The following OSBPL8 variants were observed in gnomAD, a reference collection of about 807,000 sequenced individuals.
The protein encoded by OSBPL8 is oxysterol binding protein like 8.
Under a neutral mutation model 125.5 loss-of-function variants are expected in OSBPL8, and 59 were observed. The ratio of observed to expected loss-of-function variants is 0.47; its 90% CI spans 0.38 to 0.58. The LOEUF is 0.58. Ranked by LOEUF, OSBPL8 falls within the 20% of genes least tolerant of loss-of-function variation. OSBPL8 has a pLI of 0.00. For synonymous variants in OSBPL8, 330 were observed against 338.9 expected (o/e 0.97, Z 0.29); for missense variants, 758 against 1,047.8 (o/e 0.72, Z 3.82).
At chr12:76,480,618 A>G (rs2136980367) in intron 2 of OSBPL8, among the ~76,000 whole-genome samples, 1 of 152,366 alleles carries the variant, frequency 6.6e-6, no homozygotes, top group South Asian at 2.1e-4. Context: ...AAATCTTCAC[A>G]GTTATTTTAA....
intron 15 of OSBPL8, among the ~76,000 whole-genome samples, chr12:76,382,471 C>A (rs1005941377): frequency 1.3e-5 from 2 of 152,138 alleles, no homozygotes; most frequent in African/African-American, 2.4e-5. Context: ...TGTTTAGCAG[C>A]ATTCCTGGCA....
chr12:76,516,429 C>T (rs1444849250), intron 1 of OSBPL8, among the ~76,000 whole-genome samples: 2 of 152,122 alleles, frequency 1.3e-5, no homozygotes, highest in Admixed American at 6.5e-5. Flanking sequence ...TTTGTGCTTC[C>T]TCGTATTATA....
chr12:76,356,419 G>C (rs544259016), intron 23 of OSBPL8, among the ~76,000 whole-genome samples: 1 of 152,198 alleles, frequency 6.6e-6, no homozygotes, highest in South Asian at 2.1e-4. Flanking sequence ...CCCTTACAGA[G>C]AAAAAACAAC....
chr12:76,556,238 C>T (rs1951094294), intron 1 of OSBPL8, among the ~76,000 whole-genome samples: 1 of 152,150 alleles, frequency 6.6e-6, no homozygotes, highest in African/African-American at 2.4e-5. Context: ...TCCTTGCTAT[C>T]ATGGAGAATT....
chr12:76,351,853 TAC>T lies in OSBPL8; in HGVS notation c.*4034_*4035del, dbSNP rs1451184951. 2.0e-5 allele frequency: 3 copies of T among 152,250 alleles called. No individual in the cohort carries two copies. Among genetic ancestry groups the T allele is most frequent in the Admixed American group, 2.0e-4 (3 of 15,286 alleles). The allele number at this position is 152,250 out of a possible 1,614,324, so 9.4% of individuals were successfully genotyped here. A position where few individuals can be genotyped will look rare whatever the true frequency, so the allele number is the denominator to read the frequency against. ...CTACTTGTAGAAGTTAGCATAATTTTACAGATTATTAGAAAAATTCTTTTCTT... is the reference window on the plus strand; with the variant it reads ...CTACTTGTAGAAGTTAGCATAATTTTAGATTATTAGAAAAATTCTTTTCTT... On this transcript the variant is annotated 3_prime_UTR_variant, in exon 24 of 24. Coordinates refer to ENST00000261183, the MANE Select transcript of OSBPL8 (RefSeq NM_020841.5).
At chr12:76,456,753 A>G (rs928304154) in intron 3 of OSBPL8, among the ~76,000 whole-genome samples, 1 of 152,222 alleles carries the variant, frequency 6.6e-6, no homozygotes, top group Non-Finnish European at 1.5e-5. Context: ...ATTATGTAAT[A>G]CAATATATAC....
At chr12:76,397,592 A>G (rs1953865087) in intron 8 of OSBPL8, 102 bp downstream of exon 8, 9 of 1,142,404 alleles carry the variant, frequency 7.9e-6, no homozygotes, top group African/African-American at 6.3e-5. Flanking sequence ...GAACAGATTT[A>G]TAAGTCCTGG....
chr12:76,423,827 T>C (rs1869810798), intron 4 of OSBPL8, among the ~76,000 whole-genome samples: 1 of 152,164 alleles, frequency 6.6e-6, no homozygotes, highest in Non-Finnish European at 1.5e-5. Flanking sequence ...CCATCTAGGT[T>C]AAAATTTATT....
chr12:76,510,610 T>C (rs1302493826), intron 1 of OSBPL8, among the ~76,000 whole-genome samples: 1 of 152,206 alleles, frequency 6.6e-6, no homozygotes, highest in African/African-American at 2.4e-5. Context: ...CTGGGTGCAG[T>C]GGCTCACGCC....
chr12:76,547,123 A>T (rs80145650), intron 1 of OSBPL8, among the ~76,000 whole-genome samples: 12,434 of 152,280 alleles, frequency 0.082, 653 homozygotes, highest in Admixed American at 0.12. Flanking sequence ...TACAAAAGAC[A>T]CACATTCCAA....
At chr12:76,557,193 T>A in intron 1 of OSBPL8, among the ~76,000 whole-genome samples, 1 of 152,234 alleles carries the variant, frequency 6.6e-6, no homozygotes, top group Middle Eastern at 3.2e-3. Flanking sequence ...GAAAACTAGA[T>A]CTATGTACTG....
At chr12:76,552,380 C>A (rs183906260) in intron 1 of OSBPL8, among the ~76,000 whole-genome samples, 1 of 140,308 alleles carries the variant, frequency 7.1e-6, no homozygotes, top group African/African-American at 2.7e-5. Context: ...GAGCCAAGAT[C>A]CTGCCACTGC....
intron 1 of OSBPL8, among the ~76,000 whole-genome samples, chr12:76,496,053 C>G (rs184175089): frequency 8.3e-4 from 127 of 152,302 alleles, no homozygotes; most frequent in Admixed American, 2.7e-3. Flanking sequence ...AATTTACCAT[C>G]TTTGGCCCAT....
intron 2 of OSBPL8, among the ~76,000 whole-genome samples, chr12:76,465,437 A>G (rs1875293345): frequency 6.6e-6 from 1 of 151,926 alleles, no homozygotes; most frequent in Admixed American, 6.6e-5. Context: ...GCGGGCGCCT[A>G]TAGTCCTAGC....
chr12:76,532,291 GA>G (rs1012771421), intron 1 of OSBPL8, among the ~76,000 whole-genome samples: 2 of 151,404 alleles, frequency 1.3e-5, no homozygotes, highest in Non-Finnish European at 2.9e-5. Context: ...ATACCATAGT[GA>G]AAAAAAATCA....
At chr12:76,363,324 G>A (rs1006885132) in intron 21 of OSBPL8, among the ~76,000 whole-genome samples, 2 of 151,952 alleles carry the variant, frequency 1.3e-5, no homozygotes, top group African/African-American at 4.8e-5. Flanking sequence ...ATAGACCGAT[G>A]GAACAGAACA....
At chr12:76,552,003 C>G (rs979697759) in intron 1 of OSBPL8, among the ~76,000 whole-genome samples, 4 of 152,108 alleles carry the variant, frequency 2.6e-5, no homozygotes, top group African/African-American at 7.2e-5. Flanking sequence ...GTTTTACTAT[C>G]CCTTAAGAGC....
rs1474891997 is a variant in OSBPL8, at chr12:76,377,953, T to C, written c.1729+499A>G. 4.6e-5 allele frequency among the ~76,000 whole-genome samples: 7 copies of C among 152,184 alleles called. No individual in the cohort carries two copies. The South Asian group carries it at 1.0e-3, about 22-fold the overall frequency. The stretch of plus-strand genomic sequence containing the variant: ...TTGGGTGCCTAGCATGTTGTAATGT[T>C]ATAGATGACAATTATTATGTAATAC... On this transcript the variant is annotated intron_variant, in intron 16 of 23. Transcript: ENST00000261183.
At chr12:76,491,474 ATTAT>A (rs1878707309) in intron 1 of OSBPL8, among the ~76,000 whole-genome samples, 1 of 152,224 alleles carries the variant, frequency 6.6e-6, no homozygotes, top group Admixed American at 6.5e-5. Context: ...TGGTGAAAAC[ATTAT>A]TTAATTGGAC....
Sources: gnomAD v4.1 joint callset for allele counts (sites outside exome capture counted in the v4.1 genomes callset) on GRCh38, gnomAD v4.1.1 for gene constraint, MANE v1.5 for transcripts, NCBI Gene and HGNC (gene_info 2026-07-23, HGNC 2026-07-21) for gene names.